BRD1: variants seen among roughly 807,000 people sequenced by gnomAD.
BRD1 encodes bromodomain containing 1, also known as bromodomain-containing protein 1.
In BRD1, 24 loss-of-function variants were observed where a neutral mutation model predicts 107.7. That is an observed-to-expected ratio of 0.22 (90% confidence interval 0.16 to 0.31). The LOEUF is 0.31. Among genes scored for constraint, BRD1 ranks in the 10% least tolerant of loss-of-function variants. The pLI, the probability that BRD1 is intolerant of heterozygous loss-of-function variation, is 1.00. For missense variants in BRD1, 1,279 were observed against 1,638.6 expected, an observed-to-expected ratio of 0.78 and a Z score of 3.79; for synonymous variants, 744 against 686.1, an observed-to-expected ratio of 1.08 and a Z score of -1.32.
chr22:49,785,946 A>C (rs1376543786), intron 8 of BRD1, among the ~76,000 whole-genome samples: 12 of 152,176 alleles, frequency 7.9e-5, no homozygotes, highest in Admixed American at 7.9e-4. Flanking sequence ...AACAGGGACA[A>C]GATGTGAGGG....
chr22:49,775,412 G>A (rs912577880), intron 12 of BRD1, 179 bp downstream of exon 12: 18 of 545,836 alleles, frequency 3.3e-5, no homozygotes, highest in East Asian at 1.6e-4. Flanking sequence ...CAGTCCCGGC[G>A]AGGGGGCTGG....
intron 7 of BRD1, among the ~76,000 whole-genome samples, chr22:49,790,475 C>T (rs2059413738): frequency 6.6e-6 from 1 of 152,204 alleles, no homozygotes; most frequent in Non-Finnish European, 1.5e-5. Flanking sequence ...CAGTCAGGAT[C>T]CTAGAATTCC....
intron 6 of BRD1, among the ~76,000 whole-genome samples, chr22:49,797,599 G>A (rs571702290): frequency 1.2e-4 from 19 of 152,302 alleles, no homozygotes; most frequent in African/African-American, 4.1e-4. Flanking sequence ...TCCATACACT[G>A]AGTAAAATAA....
rs780394437 is a variant in BRD1 at position 49,798,158 on chromosome 22, C to T, written c.1786-41G>A. 3.9e-6 allele frequency: 6 copies of T among 1,519,730 alleles called. No homozygotes were observed. In the African/African-American group the frequency reaches 6.9e-5, roughly 17 times the overall value. 94.1% of individuals were successfully genotyped at this position (1,519,730 alleles called of 1,614,324 possible). ...AAAAAGAATCATTTACAAACTAAAACAGGATATTAGTTGACTCTATATTTA... is the reference window on the plus strand; with the variant it reads ...AAAAAGAATCATTTACAAACTAAAATAGGATATTAGTTGACTCTATATTTA... On this transcript the variant is annotated intron_variant, in intron 5 of 12. Transcript: ENST00000404760.
At chr22:49,774,988 C>T (rs557351044) in intron 12 of BRD1, among the ~76,000 whole-genome samples, 7 of 152,372 alleles carry the variant, frequency 4.6e-5, no homozygotes, top group Admixed American at 2.0e-4. Context: ...AGCACCTGCC[C>T]GGGCCACGTG....
rs555230158 is a variant in BRD1, at chr22:49,787,308, C to T, written c.2857+82G>A. ...AAAACAGAAGCTGGACACCCCCCCC[C>T]CCCCGTCACACCAATGATCCTGAAG... On this transcript the variant is annotated intron_variant, in intron 8 of 12. Transcript: ENST00000404760. 1.9e-4 allele frequency: 203 copies of T among 1,097,164 alleles called. 24 individuals carry two copies. The highest frequency in any genetic ancestry group is 1.4e-3 in the Admixed American group (45 of 32,268). 68.0% of individuals were successfully genotyped at this position (1,097,164 alleles called of 1,614,324 possible). A position where few individuals can be genotyped will look rare whatever the true frequency, so the allele number is the denominator to read the frequency against.
chr22:49,789,374 T>C (rs1378243984), intron 7 of BRD1, among the ~76,000 whole-genome samples: 1 of 152,190 alleles, frequency 6.6e-6, no homozygotes, highest in Non-Finnish European at 1.5e-5. Context: ...CTGGTGCCTG[T>C]ACAGCAGCAG....
intron 8 of BRD1, among the ~76,000 whole-genome samples, chr22:49,784,429 C>T (rs1383999732): frequency 6.6e-6 from 1 of 152,168 alleles, no homozygotes; most frequent in East Asian, 1.9e-4. Flanking sequence ...GGTGAGCGTG[C>T]AGTCACGGAG....
chr22:49,800,588 G>C (rs916603541), intron 3 of BRD1, among the ~76,000 whole-genome samples: 1 of 152,144 alleles, frequency 6.6e-6, no homozygotes, highest in Admixed American at 6.5e-5. Flanking sequence ...CCTTTATCAC[G>C]CACTGGCTGC....
Position 49,792,316 on chromosome 22 carries a change from C to A in BRD1, c.2359+1718G>T, listed in dbSNP as rs1401243150. ...CCTCCTCACAGCTCAGTCCTCAGGG[C>A]ACAGAAGACAAGGACAGAAGGGCAG... On this transcript the variant is annotated intron_variant, in intron 7 of 12. Coordinates refer to ENST00000404760, the MANE Select transcript of BRD1 (RefSeq NM_001304808.3). This position sits in a 1 kb window ranked among gnomAD's most constrained non-coding sequence, Gnocchi z 4.2. Among the ~76,000 whole-genome samples the A allele has an allele frequency of 6.6e-6, 1 of 152,218 alleles. No individual in the cohort carries two copies. The highest frequency in any genetic ancestry group is 1.9e-4 in the East Asian group (1 of 5,194).
At chr22:49,795,450 G>C (rs1482406373) in intron 6 of BRD1, among the ~76,000 whole-genome samples, 1 of 152,204 alleles carries the variant, frequency 6.6e-6, no homozygotes, top group Admixed American at 6.5e-5. Flanking sequence ...AAAAACCCGG[G>C]TGTAGAAATT....
rs1030926495 is a variant in BRD1 at position 49,823,904 on chromosome 22, C to T, written c.414G>A (p.Val138=). Residue 138 remains valine (V), a synonymous_variant, in exon 2 of 13, where the codon GTG becomes GTA. Coordinates refer to ENST00000404760, the MANE Select transcript of BRD1 (RefSeq NM_001304808.3). ...CCGACTTCTCGATGAACTTGTAGTA[C>T]ACAGGAGGCCTCCTGGGGGCGGACG... is the stretch of plus-strand genomic sequence containing the variant. ...SPPSAPRRPP[V]YYKFIEKSAE... is the part of the protein sequence containing the mutation. 1.2e-6 allele frequency: 2 copies of T among 1,614,226 alleles called. No homozygotes were observed. The highest frequency in any genetic ancestry group is 1.7e-5 in the Admixed American group (1 of 60,032).
At chr22:49,782,021 G>C (rs894334340) in intron 8 of BRD1, among the ~76,000 whole-genome samples, 1 of 149,170 alleles carries the variant, frequency 6.7e-6, no homozygotes, top group East Asian at 2.0e-4. Flanking sequence ...CTTGCTCCGT[G>C]ACAATGCAGC....
At chr22:49,780,595 C>T (rs529486765) in intron 8 of BRD1, among the ~76,000 whole-genome samples, 1 of 152,250 alleles carries the variant, frequency 6.6e-6, no homozygotes, top group African/African-American at 2.4e-5. Flanking sequence ...GCTCTGCAGC[C>T]ACCGCCTGGA....
intron 2 of BRD1, among the ~76,000 whole-genome samples, chr22:49,808,005 A>C (rs2059776319): frequency 6.6e-6 from 1 of 150,994 alleles, no homozygotes; most frequent in Admixed American, 6.6e-5. Context: ...TAGAATGGCT[A>C]TCAAAAAATA....
chr22:49,787,386 T>C lies in BRD1; in HGVS notation c.2857+4A>G, dbSNP rs1013012454. 2.4e-5 allele frequency: 38 copies of C among 1,588,778 alleles called. No individual in the cohort carries two copies. Among genetic ancestry groups the C allele is most frequent in the Non-Finnish European group, 3.0e-5 (35 of 1,167,588 alleles). On this transcript the variant is annotated splice_donor_region_variant and intron_variant, in intron 8 of 12. Coordinates refer to ENST00000404760, the MANE Select transcript of BRD1 (RefSeq NM_001304808.3). ...CGCCTCTCAGGGCCGCCCGCGGCAT[T>C]TACCTGCGTCCAGGCGCTTTCCTGG...
intron 8 of BRD1, among the ~76,000 whole-genome samples, chr22:49,781,053 T>C (rs1038587241): frequency 1.3e-5 from 2 of 152,118 alleles, no homozygotes; most frequent in African/African-American, 4.8e-5. Flanking sequence ...AGAAATACGT[T>C]AAAAGAGGCG....
chr22:49,823,632 T>C lies in BRD1; in HGVS notation c.686A>G (p.Asn229Ser), dbSNP rs1462879844. ...GCACATGTCGCAGAAGAGGATCACG[T>C]TGCTGTTCTGACACTCCCCGTCCAT... is the stretch of plus-strand genomic sequence containing the variant. ...ICMDGECQNS[N>S]VILFCDMCNL... Residue 229 changes from asparagine (N) to serine (S), a missense_variant, in exon 2 of 13, where the codon AAC (asparagine) becomes AGC (serine). Around this residue, in one of 7 missense-constraint regions of BRD1, gnomAD observed 158 missense variants for 310.2 expected, o/e 0.51. Coordinates refer to ENST00000404760, the MANE Select transcript of BRD1 (RefSeq NM_001304808.3). The C allele has an allele frequency of 6.2e-7, 1 of 1,612,296 alleles. No individual in the cohort carries two copies. Among genetic ancestry groups the C allele is most frequent in the Non-Finnish European group, 8.5e-7 (1 of 1,179,556 alleles).
intron 2 of BRD1, among the ~76,000 whole-genome samples, chr22:49,822,627 T>C (rs1211003477): frequency 6.6e-6 from 1 of 151,308 alleles, no homozygotes; most frequent in Non-Finnish European, 1.5e-5. Context: ...GGAGAATTGC[T>C]TGAACCCAGG....
Sources: gnomAD v4.1 joint callset for allele counts (sites outside exome capture counted in the v4.1 genomes callset) on GRCh38, gnomAD v4.1.1 for gene constraint, gnomAD v4.1.1 regional missense constraint, Gnocchi (gnomAD v3.1) non-coding constraint, MANE v1.5 for transcripts, NCBI Gene and HGNC (gene_info 2026-07-23, HGNC 2026-07-21) for gene names.